BLTP2: variants seen among roughly 807,000 people sequenced by gnomAD.
BLTP2 encodes U937-associated antigen.
chr17:28,627,096 ATTGC>A, the BLTP2 span, among the ~76,000 whole-genome samples: 6 of 152,178 alleles, frequency 3.9e-5, no homozygotes, highest in South Asian at 6.2e-4. Context: ...TGCAGAATTA[ATTGC>A]TTGCTTATTG....
At chr17:28,619,678 C>A in the BLTP2 span, 1 of 1,613,992 alleles carries the variant, frequency 6.2e-7, no homozygotes, top group Non-Finnish European at 8.5e-7. Context: ...CAGTTCTTCA[C>A]TTTCCAGCTG....
chr17:28,633,771 G>A, the BLTP2 span: 28 of 1,608,626 alleles, frequency 1.7e-5, no homozygotes, highest in South Asian at 2.2e-5. Flanking sequence ...AGGAACAAAG[G>A]CTATAACTTG....
the BLTP2 span, among the ~76,000 whole-genome samples, chr17:28,641,065 T>A: frequency 6.6e-6 from 1 of 152,228 alleles, no homozygotes; most frequent in Non-Finnish European, 1.5e-5. Flanking sequence ...CAGTCATCCT[T>A]TGGTATCCTT....
the BLTP2 span, chr17:28,631,746 G>A: frequency 6.2e-7 from 1 of 1,601,866 alleles, no homozygotes; most frequent in Non-Finnish European, 8.6e-7. Flanking sequence ...GACAGAGATG[G>A]AGGAGGGGAA....
the BLTP2 span, among the ~76,000 whole-genome samples, chr17:28,641,007 T>C: frequency 6.6e-6 from 1 of 152,262 alleles, no homozygotes; most frequent in Non-Finnish European, 1.5e-5. Context: ...CTTCCTAGGC[T>C]TCAGTTTCCT....
the BLTP2 span, chr17:28,634,665 T>C: frequency 4.3e-6 from 7 of 1,614,178 alleles, no homozygotes; most frequent in Non-Finnish European, 5.9e-6. Context: ...CTGCCAGAGC[T>C]ACCAGTTCTA....
chr17:28,634,926 C>A, the BLTP2 span: 1 of 1,613,910 alleles, frequency 6.2e-7, no homozygotes, highest in Non-Finnish European at 8.5e-7. Context: ...GAAGTTTCAC[C>A]TCAAAAACAT....
chr17:28,632,208 A>G, the BLTP2 span: 60 of 1,610,318 alleles, frequency 3.7e-5, no homozygotes, highest in African/African-American at 8.0e-5. Flanking sequence ...GCAGGGTACT[A>G]CTATATAGCA....
At chr17:28,634,883 T>C in the BLTP2 span, 2 of 1,614,056 alleles carry the variant, frequency 1.2e-6, no homozygotes, top group South Asian at 2.2e-5. Flanking sequence ...GCACTCTCCT[T>C]ACTTTCATCC....
the BLTP2 span, among the ~76,000 whole-genome samples, chr17:28,630,465 GTTTT>G: frequency 1.1e-5 from 1 of 93,010 alleles, no homozygotes; most frequent in African/African-American, 4.1e-5. Flanking sequence ...AGCCCCCACT[GTTTT>G]TTTTTTTTTT....
At chr17:28,644,887 C>A in the BLTP2 span, 1 of 1,019,240 alleles carries the variant, frequency 9.8e-7, no homozygotes, top group South Asian at 1.4e-5. Context: ...CTGCCTCACG[C>A]GCCTCAGTAA....
chr17:28,641,866 A>G, the BLTP2 span: 5 of 1,580,310 alleles, frequency 3.2e-6, no homozygotes, highest in Non-Finnish European at 3.5e-6. Flanking sequence ...GGCAGCCAAG[A>G]AGCTCAATCA....
At chr17:28,628,816 C>G in the BLTP2 span, among the ~76,000 whole-genome samples, 1 of 152,068 alleles carries the variant, frequency 6.6e-6, no homozygotes, top group Non-Finnish European at 1.5e-5. Flanking sequence ...CACTGGTAAT[C>G]CCAGCTACTC....
chr17:28,639,660 A>C, the BLTP2 span: 2 of 1,612,732 alleles, frequency 1.2e-6, no homozygotes, highest in Non-Finnish European at 1.7e-6. Flanking sequence ...AGGCCAGAGG[A>C]CAGATCAGAG....
the BLTP2 span, chr17:28,616,712 G>A: frequency 6.2e-7 from 1 of 1,614,230 alleles, no homozygotes; most frequent in Non-Finnish European, 8.5e-7. This position sits in a 1 kb window ranked among gnomAD's most constrained non-coding sequence, Gnocchi z 4.8. Flanking sequence ...TTCTGTGGAA[G>A]AACTGGTGTG....
the BLTP2 span, chr17:28,633,813 C>T: frequency 2.5e-6 from 4 of 1,598,440 alleles, no homozygotes; most frequent in South Asian, 2.2e-5. Context: ...TCCTCCTTCA[C>T]TCCAGAAGGG....
the BLTP2 span, chr17:28,632,252 A>G: frequency 1.3e-6 from 2 of 1,584,062 alleles, no homozygotes; most frequent in Non-Finnish European, 1.7e-6. Context: ...GCAAAGAGAA[A>G]GACAGACATT....
At chr17:28,635,997 G>C in the BLTP2 span, 1 of 169,674 alleles carries the variant, frequency 5.9e-6, no homozygotes, top group Non-Finnish European at 1.3e-5. Flanking sequence ...ACACTGTCTA[G>C]TAACCACTGC....
chr17:28,616,988 C>A, the BLTP2 span: 1 of 1,611,826 alleles, frequency 6.2e-7, no homozygotes, highest in African/African-American at 1.3e-5. This position sits in a 1 kb window ranked among gnomAD's most constrained non-coding sequence, Gnocchi z 4.8. Context: ...AGCTCTGGGG[C>A]CGCAGTACTA....
Sources: gnomAD v4.1 joint callset for allele counts (sites outside exome capture counted in the v4.1 genomes callset) on GRCh38, gnomAD v4.1.1 for gene constraint, Gnocchi (gnomAD v3.1) non-coding constraint, MANE v1.5 for transcripts, NCBI Gene and HGNC (gene_info 2026-07-23, HGNC 2026-07-21) for gene names.